CDC7: variants seen among roughly 807,000 people sequenced by gnomAD.
CDC7 encodes the protein cell division cycle 7.
In CDC7, 34 loss-of-function variants were observed where a neutral mutation model predicts 53.5. The observed-to-expected ratio is 0.64, with a 90% CI of 0.48 to 0.85. CDC7 has a LOEUF of 0.85. Among genes scored for constraint, CDC7 ranks in the 40% least tolerant of loss-of-function variants. The pLI is 0.00. For synonymous variants in CDC7, 211 were observed against 222.8 expected (o/e 0.95, Z 0.47); for missense variants, 594 against 679.7 (o/e 0.87, Z 1.40).
Position 91,501,807 on chromosome 1 carries a change from A to C in CDC7, c.91A>C (p.Asn31His), listed in dbSNP as rs745476289. Residue 31 changes from asparagine to histidine, a missense_variant, in exon 2 of 12, where the codon AAC becomes CAC. By Grantham distance (68) the Asn-to-His change is moderately conservative. Transcript: ENST00000234626. ...RFQAEGSLKKNEQNFKLAGVK... is the reference protein window; with the variant it reads ...RFQAEGSLKKHEQNFKLAGVK... ...TCAGGCTGAAGGCTCTTTAAAAAAAAACGAGCAGAATTTTAAACTTGCAGG... is the reference window on the plus strand; with the variant it reads ...TCAGGCTGAAGGCTCTTTAAAAAAACACGAGCAGAATTTTAAACTTGCAGG... 1.7e-5 allele frequency: 28 copies of C among 1,614,016 alleles called. No homozygotes were observed. The highest frequency in any genetic ancestry group is 2.4e-5 in the Non-Finnish European group (28 of 1,179,966).
At position 91,508,270 on chromosome 1, in the gene CDC7, A is replaced by G; in HGVS notation, c.208A>G (p.Ser70Gly). ...AATAAATTGTTTTACAGGCACTTTC[A>G]GCTCTGTTTATTTGGCCACAGCACA... ...IEDKIGEGTF[S>G]SVYLATAQLQ... is the part of the protein sequence containing the mutation. The change falls in exon 4 of 12, where the codon AGC (serine) becomes GGC (glycine). Residue 70 changes from serine (S) to glycine (G), a missense_variant. By Grantham distance (56) the Ser-to-Gly change is moderately conservative. Transcript: ENST00000234626. 6.3e-7 allele frequency: 1 copy of G among 1,595,616 alleles called. No homozygotes were observed. The highest frequency in any genetic ancestry group is 2.2e-5 in the East Asian group (1 of 44,578).
chr1:91,505,333 A>G (rs901189814), intron 2 of CDC7, among the ~76,000 whole-genome samples: 1 of 152,214 alleles, frequency 6.6e-6, no homozygotes, highest in African/African-American at 2.4e-5. Flanking sequence ...ATGTGAAACC[A>G]TTAGAGGTTT....
At position 91,514,830 on chromosome 1, in the gene CDC7, G is replaced by C; in HGVS notation, c.930G>C (p.Gln310His). Residue 310 changes from glutamine to histidine, a missense_variant, in exon 9 of 12, where the codon CAG (glutamine) becomes CAC (histidine). Coordinates refer to ENST00000234626, the MANE Select transcript of CDC7 (RefSeq NM_003503.4). Reference protein sequence around the residue: ...HESPAVKLMKQSKTVDVLSRK... With the variant: ...HESPAVKLMKHSKTVDVLSRK... ...CTTTTCTTTTACAGCTCATGAAGCA[G>C]TCAAAGACTGTGGATGTACTGTCTA... 6.2e-7 allele frequency: 1 copy of C among 1,603,614 alleles called. No homozygotes were observed. Among genetic ancestry groups the C allele is most frequent in the Non-Finnish European group, 8.5e-7 (1 of 1,175,608 alleles).
chr1:91,513,123 T>A lies in CDC7; in HGVS notation c.638T>A (p.Phe213Tyr). The A allele has an allele frequency of 6.2e-7, 1 of 1,613,654 alleles. No individual in the cohort carries two copies. Among genetic ancestry groups the A allele is most frequent in the Non-Finnish European group, 8.5e-7 (1 of 1,179,688 alleles). ...GATACGAAAATAGAGCTTCTTAAAT[T>A]TGTCCAGTCTGAAGCTCAGCAGGAA... ...THDTKIELLK[F>Y]VQSEAQQERC... Residue 213 changes from phenylalanine to tyrosine, a missense_variant, in exon 7 of 12, where the codon TTT (phenylalanine) becomes TAT (tyrosine). Physicochemically the swap from Phe to Tyr is conservative, Grantham distance 22. Coordinates refer to ENST00000234626, the MANE Select transcript of CDC7 (RefSeq NM_003503.4).
intron 10 of CDC7, among the ~76,000 whole-genome samples, chr1:91,517,720 G>C (rs1054652993): frequency 1.3e-5 from 2 of 152,206 alleles, no homozygotes; most frequent in East Asian, 3.9e-4. Flanking sequence ...AGAGGGAGAA[G>C]TTAAAACTCT....
At chr1:91,502,848 G>A (rs930763076) in intron 2 of CDC7, among the ~76,000 whole-genome samples, 6 of 151,898 alleles carry the variant, frequency 4.0e-5, no homozygotes, top group African/African-American at 1.5e-4. Flanking sequence ...TTGTATGTTG[G>A]TGCTAGAATA....
intron 9 of CDC7, among the ~76,000 whole-genome samples, chr1:91,515,413 T>C (rs2102376050): frequency 6.6e-6 from 1 of 152,332 alleles, no homozygotes; most frequent in South Asian, 2.1e-4. Context: ...GGCTTGGCTT[T>C]CATAAAGCCT....
chr1:91,524,090 ACT>A lies in CDC7; in HGVS notation c.1383_1384del (p.Cys462Ter), dbSNP rs755175446. ...AAGTTCCAGCACAAGACTTGAGAAA[ACT>A]CTGTGAGAGACTCAGGGGTATGGAT... ...KEVPAQDLRKLCERLRGMDSS... is the reference protein window; with the variant it reads ...KEVPAQDLRKXCERLRGMDSS... On this transcript the variant is annotated frameshift_variant, in exon 12 of 12. Coordinates refer to ENST00000234626, the MANE Select transcript of CDC7 (RefSeq NM_003503.4). LOFTEE classifies it low-confidence loss of function (END_TRUNC). 4 of 1,611,032 alleles carry A rather than the reference ACT, an allele frequency of 2.5e-6. No homozygotes were observed. The East Asian group carries it at 6.7e-5, about 27-fold the overall frequency.
At chr1:91,518,126 G>GT (rs1489826550) in intron 10 of CDC7, among the ~76,000 whole-genome samples, 1 of 121,752 alleles carries the variant, frequency 8.2e-6, no homozygotes, top group Non-Finnish European at 1.7e-5. Context: ...AGGTGATACA[G>GT]TAGCCCAAGG....
At chr1:91,512,911 T>C in intron 6 of CDC7, 147 bp from the exon 7 acceptor site, 1 of 666,320 alleles carries the variant, frequency 1.5e-6, no homozygotes, top group East Asian at 2.9e-5. Flanking sequence ...GGAAAACTTA[T>C]TTTTTTTTCT....
intron 11 of CDC7, among the ~76,000 whole-genome samples, chr1:91,521,052 T>C (rs1667916848): frequency 6.6e-6 from 1 of 152,198 alleles, no homozygotes; most frequent in Admixed American, 6.5e-5. Context: ...TAAGTGGGAT[T>C]GACTCAGCTT....
chr1:91,501,540 G>A (rs1666676576), intron 1 of CDC7, 114 bp from the exon 2 acceptor site: 2 of 630,560 alleles, frequency 3.2e-6, no homozygotes, highest in East Asian at 5.2e-5. Flanking sequence ...CTACTGTGGA[G>A]GTTTGGACAC....
chr1:91,509,090 C>G (rs1053915333), intron 4 of CDC7, among the ~76,000 whole-genome samples: 3 of 152,022 alleles, frequency 2.0e-5, no homozygotes, highest in Admixed American at 6.6e-5. Flanking sequence ...TTTTCTTCTT[C>G]CCTCATTTGG....
At chr1:91,510,188 C>T (rs2102350540) in intron 4 of CDC7, among the ~76,000 whole-genome samples, 1 of 151,618 alleles carries the variant, frequency 6.6e-6, no homozygotes, top group South Asian at 2.1e-4. Context: ...GCACTCCATC[C>T]AGCCTGGTCA....
chr1:91,524,041 G>T lies in CDC7; in HGVS notation c.1331G>T (p.Gly444Val). Residue 444 changes from glycine (G) to valine (V), a missense_variant and splice_region_variant, in exon 12 of 12, where the codon GGG becomes GTG. Gly to Val is a moderately radical substitution (Grantham distance 109). Coordinates refer to ENST00000234626, the MANE Select transcript of CDC7 (RefSeq NM_003503.4). ...TTGTTTTTTCTTCTTTTGCTTTTAG[G>T]GAAATCAATATTATGTAGCAAAGAA... ...RETIQAAKTFGKSILCSKEVP... is the reference protein window; with the variant it reads ...RETIQAAKTFVKSILCSKEVP... The T allele has an allele frequency of 6.4e-7, 1 of 1,564,392 alleles. No individual in the cohort carries two copies. The highest frequency in any genetic ancestry group is 8.6e-7 in the Non-Finnish European group (1 of 1,157,356).
chr1:91,519,903 G>T (rs574258578), intron 10 of CDC7, among the ~76,000 whole-genome samples: 5 of 152,254 alleles, frequency 3.3e-5, no homozygotes, highest in South Asian at 4.1e-4. Flanking sequence ...TTGCAGTGAG[G>T]ATTCTCAGTC....
In CDC7 at chr1:91,520,271, A is replaced by G. The variant is rs13447539; in HGVS notation, c.1322A>G (p.Lys441Arg). 1,004 of 1,595,798 alleles carry G rather than the reference A, an allele frequency of 6.3e-4. 15 individuals are homozygous for G. The East Asian group carries it at 0.019, about 30-fold the overall frequency. ...TCCAGAGAAACTATCCAAGCTGCTA[A>G]AACTTTTGGTAAGCAGTTTTGTATT... ...RGSRETIQAA[K>R]TFGKSILCSK... Residue 441 changes from lysine (K) to arginine (R), a missense_variant, in exon 11 of 12, where the codon AAA becomes AGA. Transcript: ENST00000234626.
Position 91,513,083 on chromosome 1 carries a change from G to T in CDC7, c.598G>T (p.Ala200Ser), listed in dbSNP as rs757479239. 1.2e-6 allele frequency: 2 copies of T among 1,613,414 alleles called. No homozygotes were observed. The highest frequency in any genetic ancestry group is 1.7e-6 in the Non-Finnish European group (2 of 1,179,562). Residue 200 changes from alanine (A) to serine (S), a missense_variant, in exon 7 of 12, where the codon GCC (alanine) becomes TCC (serine). Ala to Ser is a moderately conservative substitution (Grantham distance 99). Coordinates refer to ENST00000234626, the MANE Select transcript of CDC7 (RefSeq NM_003503.4). ...KKYALVDFGLAQGTHDTKIEL... is the reference protein window; with the variant it reads ...KKYALVDFGLSQGTHDTKIEL... ...GTATGCCTTGGTAGACTTTGGTTTGGCCCAAGGAACCCATGATACGAAAAT... is the reference window on the plus strand; with the variant it reads ...GTATGCCTTGGTAGACTTTGGTTTGTCCCAAGGAACCCATGATACGAAAAT...
Position 91,501,732 on chromosome 1 carries a change from G to C in CDC7, c.16G>C (p.Gly6Arg), listed in dbSNP as rs149546312. The change falls in exon 2 of 12, where the codon GGG becomes CGG. Residue 6 changes from glycine to arginine, a missense_variant. Physicochemically the swap from Gly to Arg is moderately radical, Grantham distance 125. Transcript: ENST00000234626. The stretch of plus-strand genomic sequence containing the variant: ...TTGGCTTGTGATGGAGGCGTCTTTG[G>C]GGATTCAGATGGATGAGCCAATGGC... MEASL[G>R]IQMDEPMAFS... 8.7e-6 allele frequency: 14 copies of C among 1,613,782 alleles called. No individual in the cohort carries two copies. The African/African-American group carries it at 1.6e-4, about 18-fold the overall frequency.
Sources: allele counts gnomAD v4.1 joint callset (sites outside exome capture counted in the v4.1 genomes callset), GRCh38; gene constraint gnomAD v4.1.1; transcripts MANE v1.5; gene names NCBI Gene and HGNC (gene_info 2026-07-23, HGNC 2026-07-21).